DGKH: variants seen among roughly 807,000 people sequenced by gnomAD.
DGKH encodes DAG kinase eta.
Under a neutral mutation model 159.3 loss-of-function variants are expected in DGKH, and 90 were observed. The observed-to-expected ratio is 0.57, with a 90% CI of 0.48 to 0.67. The LOEUF (loss-of-function observed/expected upper bound fraction) is 0.67. Among genes scored for constraint, DGKH ranks in the 30% least tolerant of loss-of-function variants. DGKH has a pLI of 0.00. For synonymous variants in DGKH, 536 were observed against 553.8 expected (o/e 0.97, Z 0.45); for missense variants, 1,181 against 1,506.1 (o/e 0.78, Z 3.57).
chr13:42,175,765 G>A (rs1956586770), intron 12 of DGKH, among the ~76,000 whole-genome samples: 1 of 152,140 alleles, frequency 6.6e-6, no homozygotes, highest in Non-Finnish European at 1.5e-5. Flanking sequence ...GTTCTGAATG[G>A]CCCTGACTAG....
At chr13:42,069,659 A>G (rs1364191381) in intron 1 of DGKH, 4 of 1,262,204 alleles carry the variant, frequency 3.2e-6, no homozygotes, top group Middle Eastern at 2.8e-4. Context: ...TGTTCTTTCC[A>G]ATTGGAAAGA....
chr13:42,041,892 T>C (rs1880530657), intron 1 of DGKH, among the ~76,000 whole-genome samples: 1 of 152,232 alleles, frequency 6.6e-6, no homozygotes, highest in Non-Finnish European at 1.5e-5. Context: ...CCAGGGACTC[T>C]CCGAGTCTGC....
At chr13:42,057,206 G>A (rs1289770765) in intron 1 of DGKH, among the ~76,000 whole-genome samples, 1 of 152,048 alleles carries the variant, frequency 6.6e-6, no homozygotes, top group Non-Finnish European at 1.5e-5. Flanking sequence ...TTTTTGAAAG[G>A]TCATGGTATA....
Position 42,060,388 on chromosome 13 carries a change from A to T in DGKH, c.192+11423A>T, listed in dbSNP as rs573708009. 2.6e-5 allele frequency among the ~76,000 whole-genome samples: 4 copies of T among 152,284 alleles called. No individual in the cohort carries two copies. In the East Asian group the frequency reaches 7.7e-4, roughly 29 times the overall value. On this transcript the variant is annotated intron_variant, in intron 1 of 29. Transcript: ENST00000337343. The stretch of plus-strand genomic sequence containing the variant: ...CTCTATCGGTCTTTTTCTAGCCTGT[A>T]CTTCTGAGATCTGGGCCTCTAGTTC...
chr13:42,161,796 A>T (rs1156552554), intron 7 of DGKH, among the ~76,000 whole-genome samples: 1 of 146,696 alleles, frequency 6.8e-6, no homozygotes, highest in Non-Finnish European at 1.5e-5. Context: ...AAAAAAAAAG[A>T]AAAGAAAAGA....
rs143470293 is a variant in DGKH at position 42,151,478 on chromosome 13, G to GGTGTGTGTGTGT, written c.385-3796_385-3785dup. ...TTTTTGTGACTGAGTAGTATTCCAT[G>GGTGTGTGTGTGT]GTGTGTGTGTGTGTGTGTGTGTGTG... On this transcript the variant is annotated intron_variant, in intron 3 of 29. Transcript: ENST00000337343. Among the ~76,000 whole-genome samples, 146 of 126,352 alleles carry GGTGTGTGTGTGT rather than the reference G, an allele frequency of 1.2e-3. 1 individual carries two copies. The highest frequency in any genetic ancestry group is 4.1e-3 in the African/African-American group (138 of 33,672). 82.9% of individuals were successfully genotyped at this position (126,352 alleles called of 152,430 possible).
rs1332866120 is a variant in DGKH, at chr13:42,233,174, A to G, written c.*3986A>G. ...ATTAGAAACTCCATTTCTCAGTTGCACTAACTACATTTCAAGTGTTCAGTA... is the reference window on the plus strand; with the variant it reads ...ATTAGAAACTCCATTTCTCAGTTGCGCTAACTACATTTCAAGTGTTCAGTA... On this transcript the variant is annotated 3_prime_UTR_variant, in exon 30 of 30. Coordinates refer to ENST00000337343, the MANE Select transcript of DGKH (RefSeq NM_178009.5). 1 of 152,220 alleles carries G rather than the reference A, an allele frequency of 6.6e-6. No individual in the cohort carries two copies. Among genetic ancestry groups the G allele is most frequent in the Non-Finnish European group, 1.5e-5 (1 of 68,070 alleles). The allele number at this position is 152,220 out of a possible 1,614,324, so 9.4% of individuals were successfully genotyped here.
intron 13 of DGKH, among the ~76,000 whole-genome samples, chr13:42,183,979 A>G (rs1956840940): frequency 6.6e-6 from 1 of 152,204 alleles, no homozygotes; most frequent in Non-Finnish European, 1.5e-5. Flanking sequence ...GTTTCAGAAA[A>G]TGGGATAACT....
Position 42,056,694 on chromosome 13 carries a change from C to T in DGKH, c.192+7729C>T, listed in dbSNP as rs76450443. On this transcript the variant is annotated intron_variant, in intron 1 of 29. Coordinates refer to ENST00000337343, the MANE Select transcript of DGKH (RefSeq NM_178009.5). ...GATTAAAATGGGTGGGTTCCAGATG[C>T]CTTGCTTTCGGTAGCCCTGTAGCTT... Among the ~76,000 whole-genome samples, 811 of 152,274 alleles carry T rather than the reference C, an allele frequency of 5.3e-3. 8 individuals carry two copies. Among genetic ancestry groups the T allele is most frequent in the African/African-American group, 0.016 (673 of 41,544 alleles).
rs1029173502 is a variant in DGKH, at chr13:42,230,410, C to T, written c.*1222C>T. The stretch of plus-strand genomic sequence containing the variant: ...TGGATATTATTTTCCTTTTTCTAAA[C>T]CACTGTACTTCAGTGTAGCTTATTA... On this transcript the variant is annotated 3_prime_UTR_variant, in exon 30 of 30. Transcript: ENST00000337343. 1 of 151,962 alleles carries T rather than the reference C, an allele frequency of 6.6e-6. No homozygotes were observed. Among genetic ancestry groups the T allele is most frequent in the African/African-American group, 2.4e-5 (1 of 41,402 alleles). The allele number at this position is 151,962 out of a possible 1,614,324, so 9.4% of individuals were successfully genotyped here. A position where few individuals can be genotyped will look rare whatever the true frequency, so the allele number is the denominator to read the frequency against.
At chr13:42,244,841 T>C (rs1594270563), downstream of DGKH, among the ~76,000 whole-genome samples, 1 of 126,008 alleles carries the variant, frequency 7.9e-6, no homozygotes, top group South Asian at 2.6e-4. Context: ...GAGGCGGAGC[T>C]TGCAGTGAGC....
chr13:42,165,452 A>G lies in DGKH; in HGVS notation c.958+19A>G, dbSNP rs754330475. 2.9e-6 allele frequency: 4 copies of G among 1,367,794 alleles called. No individual in the cohort carries two copies. The highest frequency in any genetic ancestry group is 4.0e-6 in the Non-Finnish European group (4 of 1,001,800). The allele number at this position is 1,367,794 out of a possible 1,614,324, so 84.7% of individuals were successfully genotyped here. A position where few individuals can be genotyped will look rare whatever the true frequency, so the allele number is the denominator to read the frequency against. On this transcript the variant is annotated intron_variant, in intron 8 of 29. Coordinates refer to ENST00000337343, the MANE Select transcript of DGKH (RefSeq NM_178009.5). ...TCCGATGGTATGTAGCAGTAGTGTA[A>G]GTACGTATATTTCTGGTATATTTAA...
intron 3 of DGKH, among the ~76,000 whole-genome samples, chr13:42,138,451 T>C (rs1955452926): frequency 6.6e-6 from 1 of 152,204 alleles, no homozygotes; most frequent in Non-Finnish European, 1.5e-5. Context: ...TCCTCAAGGC[T>C]AACACAGTGC....
chr13:42,087,083 A>ACACACACACC (rs1301819914), intron 1 of DGKH, among the ~76,000 whole-genome samples: 2 of 143,846 alleles, frequency 1.4e-5, no homozygotes, highest in African/African-American at 2.6e-5. Context: ...ACACACACAC[A>ACACACACACC]CCTCAGAACA....
Position 42,127,523 on chromosome 13 carries a change from C to A in DGKH, c.253C>A (p.Arg85=). 1 of 1,613,742 alleles carries A rather than the reference C, an allele frequency of 6.2e-7. No homozygotes were observed. Among genetic ancestry groups the A allele is most frequent in the Non-Finnish European group, 8.5e-7 (1 of 1,179,782 alleles). The part of the protein sequence containing the change: ...QTSSFQRWKK[R]YFKLRGRTLY... The stretch of plus-strand genomic sequence containing the variant: ...CAGTTCTTTCCAAAGGTGGAAAAAG[C>A]GATACTTCAAACTTCGAGGCCGCAC... Residue 85 remains arginine, a synonymous_variant, in exon 2 of 30, where the codon CGA becomes AGA. Coordinates refer to ENST00000337343, the MANE Select transcript of DGKH (RefSeq NM_178009.5).
rs1033016636 is a variant in DGKH at position 42,235,869 on chromosome 13, G to T, written c.*6681G>T. On this transcript the variant is annotated 3_prime_UTR_variant, in exon 30 of 30. Transcript: ENST00000337343. ...TAAGTGAGATAAATCTCACTTTTAT[G>T]TTAAAATGTCTATTTATACAACAGG... 2 of 152,112 alleles carry T rather than the reference G, an allele frequency of 1.3e-5. No homozygotes were observed. Among genetic ancestry groups the T allele is most frequent in the East Asian group, 3.9e-4 (2 of 5,178 alleles). The allele number at this position is 152,112 out of a possible 1,614,324, so 9.4% of individuals were successfully genotyped here. A position where few individuals can be genotyped will look rare whatever the true frequency, so the allele number is the denominator to read the frequency against.
chr13:42,161,134 T>A (rs916196860), intron 7 of DGKH, among the ~76,000 whole-genome samples: 2 of 152,222 alleles, frequency 1.3e-5, no homozygotes, highest in African/African-American at 4.8e-5. Flanking sequence ...CTCTTTACAA[T>A]CTTAGTGCAA....
intron 1 of DGKH, chr13:42,069,738 T>G (rs1393332962): frequency 4.5e-6 from 5 of 1,116,346 alleles, no homozygotes; most frequent in Non-Finnish European, 6.5e-6. Flanking sequence ...TATCTAAATA[T>G]GATCATGACC....
chr13:42,159,244 C>CTA, intron 5 of DGKH, 22 bp from the exon 6 acceptor site: 1 of 213,284 alleles, frequency 4.7e-6, no homozygotes, highest in Non-Finnish European at 8.1e-6. Flanking sequence ...AGCAGTTGCT[C>CTA]TTTTTTTTTT....
Sources: gnomAD v4.1 joint callset for allele counts (sites outside exome capture counted in the v4.1 genomes callset) on GRCh38, gnomAD v4.1.1 for gene constraint, MANE v1.5 for transcripts, NCBI Gene and HGNC (gene_info 2026-07-23, HGNC 2026-07-21) for gene names.